Variants in NCAPH observed in about 807,000 individuals in gnomAD.
NCAPH encodes non-SMC condensin I complex subunit H, also known as condensin complex subunit 2.
Under a neutral mutation model 85.5 loss-of-function variants are expected in NCAPH, and 38 were observed. The observed-to-expected ratio is 0.44, with a 90% CI of 0.34 to 0.58. NCAPH has a LOEUF of 0.58. NCAPH is among the 20% of genes least tolerant of loss of function. NCAPH has a pLI of 0.01. For missense variants in NCAPH, 789 were observed against 916.6 expected, an observed-to-expected ratio of 0.86 and a Z score of 1.80; for synonymous variants, 301 against 335.1, an observed-to-expected ratio of 0.90 and a Z score of 1.11.
intron 13 of NCAPH, 141 bp from the exon 14 acceptor site, chr2:96,365,735 C>T (rs1446139886): frequency 1.2e-6 from 1 of 821,806 alleles, no homozygotes; most frequent in Admixed American, 2.2e-5. Context: ...CTAGAGGCAC[C>T]TAGAAGTTCA....
intron 17 of NCAPH, among the ~76,000 whole-genome samples, chr2:96,370,216 C>A (rs993064665): frequency 5.3e-5 from 8 of 152,346 alleles, no homozygotes; most frequent in African/African-American, 1.9e-4. Context: ...CAGCCTTTGG[C>A]ACGTGCAGTA....
intron 9 of NCAPH, among the ~76,000 whole-genome samples, chr2:96,358,084 C>T (rs2064547934): frequency 6.6e-6 from 1 of 152,124 alleles, no homozygotes; most frequent in Admixed American, 6.5e-5. Flanking sequence ...CAAGACCAAC[C>T]TGACCAACAT....
chr2:96,364,626 A>C (rs375951267), intron 13 of NCAPH, 35 bp downstream of exon 13: 16 of 1,473,438 alleles, frequency 1.1e-5, no homozygotes, highest in Non-Finnish European at 1.5e-5. Flanking sequence ...CCTCTCTTCT[A>C]AGCCAGGGAG....
chr2:96,337,875 C>A (rs1248992630), intron 1 of NCAPH, among the ~76,000 whole-genome samples: 1 of 152,010 alleles, frequency 6.6e-6, no homozygotes, highest in African/African-American at 2.4e-5. Context: ...TACCCCACTT[C>A]TCAATACCAC....
rs765076136 is a variant in NCAPH, at chr2:96,369,493, A to G, written c.2159A>G (p.Asn720Ser). Reference protein sequence around the residue: ...LAFACLLHLANEKNLKLEGTE... With the variant: ...LAFACLLHLASEKNLKLEGTE... ...TTTGCCTGTCTCCTACATTTAGCCA[A>G]TGAAAAGGTAGGTAATTAAGGTAAG... Residue 720 changes from asparagine to serine, a missense_variant, in exon 17 of 18, where the codon AAT becomes AGT. Physicochemically the swap from Asn to Ser is conservative, Grantham distance 46. Coordinates refer to ENST00000240423, the MANE Select transcript of NCAPH (RefSeq NM_015341.5). 2 of 1,613,670 alleles carry G rather than the reference A, an allele frequency of 1.2e-6. No individual in the cohort carries two copies. The highest frequency in any genetic ancestry group is 1.1e-5 in the South Asian group (1 of 91,074).
chr2:96,344,721 C>T (rs975779219), intron 6 of NCAPH, among the ~76,000 whole-genome samples: 1 of 152,178 alleles, frequency 6.6e-6, no homozygotes, highest in African/African-American at 2.4e-5. Flanking sequence ...AGCTTTAAAT[C>T]ATCTATCTAG....
At chr2:96,360,805 GA>G in intron 12 of NCAPH, 95 bp downstream of exon 12, 4 of 1,498,860 alleles carry the variant, frequency 2.7e-6, no homozygotes, top group Non-Finnish European at 3.7e-6. Flanking sequence ...GGGAGAATGT[GA>G]GGAGTGGTAT....
In NCAPH at chr2:96,366,022, A is replaced by C. The variant is rs199618036; in HGVS notation, c.1845A>C (p.Thr615=). The change falls in exon 14 of 18, where the codon ACA becomes ACC. Residue 615 remains threonine, a synonymous_variant. Transcript: ENST00000240423. ...TPEAQGLDIT[T]YGESNLVAEP... is the part of the protein sequence containing the mutation. ...AAGCCCAAGGATTAGACATCACAACATATGGGGAGTCAAACTTGGTAGCTG... is the reference window on the plus strand; with the variant it reads ...AAGCCCAAGGATTAGACATCACAACCTATGGGGAGTCAAACTTGGTAGCTG... 6.2e-7 allele frequency: 1 copy of C among 1,614,218 alleles called. No homozygotes were observed. The highest frequency in any genetic ancestry group is 8.5e-7 in the Non-Finnish European group (1 of 1,180,040).
At position 96,353,378 on chromosome 2, in the gene NCAPH, A is replaced by C. The variant is rs914772092; in HGVS notation, c.983A>C (p.Asp328Ala). Residue 328 changes from aspartate to alanine, a missense_variant, in exon 8 of 18, where the codon GAC (aspartate) becomes GCC (alanine). Coordinates refer to ENST00000240423, the MANE Select transcript of NCAPH (RefSeq NM_015341.5). Reference protein sequence around the residue: ...SLAGFQFTQWDSETHNESVSA... With the variant: ...SLAGFQFTQWASETHNESVSA... Reference sequence around the variant, plus strand: ...GCCGGGTTCCAGTTTACACAGTGGGACAGTGAAACACATAATGAGGTGTGG... The same window carrying C: ...GCCGGGTTCCAGTTTACACAGTGGGCCAGTGAAACACATAATGAGGTGTGG... The C allele has an allele frequency of 6.2e-7, 1 of 1,613,998 alleles. No individual in the cohort carries two copies. Among genetic ancestry groups the C allele is most frequent in the South Asian group, 1.1e-5 (1 of 91,078 alleles).
At chr2:96,351,681 AAAAAC>A in intron 6 of NCAPH, 145 bp from the exon 7 acceptor site, 9 of 659,030 alleles carry the variant, frequency 1.4e-5, no homozygotes, top group South Asian at 5.9e-5. Context: ...AAAAAAAAAA[AAAAAC>A]AAAAACAAAC....
At position 96,359,036 on chromosome 2, in the gene NCAPH, G is replaced by T. The variant is rs752014006; in HGVS notation, c.1209-9G>T. On this transcript the variant is annotated splice_polypyrimidine_tract_variant and intron_variant, in intron 9 of 17. Coordinates refer to ENST00000240423, the MANE Select transcript of NCAPH (RefSeq NM_015341.5). Reference sequence around the variant, plus strand: ...ATGTATTGTACATGTACAAATATGTGTGTTACAGGGAAGAAATGATTTCCC... The same window carrying T: ...ATGTATTGTACATGTACAAATATGTTTGTTACAGGGAAGAAATGATTTCCC... The T allele has an allele frequency of 1.9e-6, 3 of 1,613,586 alleles. No homozygotes were observed. Among genetic ancestry groups the T allele is most frequent in the African/African-American group, 2.7e-5 (2 of 74,908 alleles).
At chr2:96,335,937 G>A (rs1299831643) in intron 1 of NCAPH, 89 bp downstream of exon 1, 7 of 1,342,758 alleles carry the variant, frequency 5.2e-6, no homozygotes, top group Non-Finnish European at 6.8e-6. Context: ...GGCCTGGGCG[G>A]GGAGAGAGGA....
rs553820895 is a variant in NCAPH at position 96,343,251 on chromosome 2, G to C, written c.542G>C (p.Gly181Ala). ...CATGCCGATGTATACAGAGTCCTTG[G>C]GGGGCTGGGCAAAGATGCACCGTCT... Reference protein sequence around the residue: ...AVHADVYRVLGGLGKDAPSLE... With the variant: ...AVHADVYRVLAGLGKDAPSLE... The change falls in exon 5 of 18, where the codon GGG (glycine) becomes GCG (alanine). Residue 181 changes from glycine (G) to alanine (A), a missense_variant. Coordinates refer to ENST00000240423, the MANE Select transcript of NCAPH (RefSeq NM_015341.5). The C allele has an allele frequency of 1.7e-5, 27 of 1,613,890 alleles. No individual in the cohort carries two copies. Among genetic ancestry groups the C allele is most frequent in the South Asian group, 9.9e-5 (9 of 91,054 alleles).
At position 96,365,882 on chromosome 2, in the gene NCAPH, G is replaced by A. The variant is rs748231368; in HGVS notation, c.1705G>A (p.Asp569Asn). The change falls in exon 14 of 18, where the codon GAC becomes AAC. Residue 569 changes from aspartate (D) to asparagine (N), a missense_variant. By Grantham distance (23) the Asp-to-Asn change is conservative (BLOSUM62 1). Coordinates refer to ENST00000240423, the MANE Select transcript of NCAPH (RefSeq NM_015341.5). ...SNFCPGLQAA[D>N]SDDEDLDDLF... Reference sequence around the variant, plus strand: ...AGAGCTGTTTCTTGCCCAGGCTGCTGACAGTGATGATGAAGATTTGGATGA... The same window carrying A: ...AGAGCTGTTTCTTGCCCAGGCTGCTAACAGTGATGATGAAGATTTGGATGA... The A allele has an allele frequency of 2.7e-5, 43 of 1,614,072 alleles. No individual in the cohort carries two copies. Among genetic ancestry groups the A allele is most frequent in the Non-Finnish European group, 3.6e-5 (43 of 1,180,036 alleles).
chr2:96,351,679 A>AC, intron 6 of NCAPH, 152 bp from the exon 7 acceptor site: 1 of 659,968 alleles, frequency 1.5e-6, no homozygotes, highest in Non-Finnish European at 2.4e-6. Context: ...AAAAAAAAAA[A>AC]AAAAAACAAA....
intron 6 of NCAPH, among the ~76,000 whole-genome samples, chr2:96,348,837 A>G (rs2064397518): frequency 6.6e-6 from 1 of 151,778 alleles, no homozygotes; most frequent in African/African-American, 2.4e-5. Context: ...TTTAGTAGAG[A>G]TGGGGTTTCA....
chr2:96,348,682 G>T (rs984352020), intron 6 of NCAPH, among the ~76,000 whole-genome samples: 1 of 151,392 alleles, frequency 6.6e-6, no homozygotes, highest in East Asian at 1.9e-4. Context: ...TTGAGACAGG[G>T]TCTCGCTCTG....
chr2:96,344,480 A>G (rs2064337288), intron 6 of NCAPH, among the ~76,000 whole-genome samples: 1 of 152,254 alleles, frequency 6.6e-6, no homozygotes, highest in Admixed American at 6.5e-5. Context: ...ATAAAAAATT[A>G]ATTTTATTTC....
chr2:96,376,690 G>C lies in NCAPH; in HGVS notation c.*3339G>C, dbSNP rs1368358990. 1.3e-5 allele frequency among the ~76,000 whole-genome samples: 2 copies of C among 152,198 alleles called. No individual in the cohort carries two copies. The highest frequency in any genetic ancestry group is 2.9e-5 in the Non-Finnish European group (2 of 68,032). ...CAACGAGTTTGGTGTCCTGGAGCAA[G>C]GAAAGGAACCGTTCATGGTGGCTGA... On this transcript the variant is annotated 3_prime_UTR_variant, in exon 18 of 18. Coordinates refer to ENST00000240423, the MANE Select transcript of NCAPH (RefSeq NM_015341.5).
Sources: allele counts gnomAD v4.1 joint callset (sites outside exome capture counted in the v4.1 genomes callset), GRCh38; gene constraint gnomAD v4.1.1; transcripts MANE v1.5; gene names NCBI Gene and HGNC (gene_info 2026-07-23, HGNC 2026-07-21).